Variants in KDM4C observed in about 807,000 individuals in gnomAD.
KDM4C encodes lysine demethylase 4C, also known as lysine-specific demethylase 4C.
In KDM4C, 81 loss-of-function variants were observed where a neutral mutation model predicts 129.3. The ratio of observed to expected loss-of-function variants is 0.63; its 90% CI spans 0.52 to 0.75. KDM4C has a LOEUF of 0.75. KDM4C is among the 30% of genes least tolerant of loss of function. The probability of loss-of-function intolerance (pLI) is 0.00; values close to 1 mark genes in which losing one functional copy is unlikely to be tolerated. For synonymous variants in KDM4C, 573 were observed against 456.1 expected, an observed-to-expected ratio of 1.26 and a Z score of -3.26; for missense variants, 1,457 against 1,304.0, an observed-to-expected ratio of 1.12 and a Z score of -1.81.
intron 19 of KDM4C, among the ~76,000 whole-genome samples, chr9:7,137,334 T>C (rs1390790712): frequency 6.6e-6 from 1 of 152,232 alleles, no homozygotes; most frequent in Non-Finnish European, 1.5e-5. Flanking sequence ...TCAACTTCCA[T>C]TTAATACAAA....
chr9:6,819,893 G>T (rs937905640), intron 4 of KDM4C, among the ~76,000 whole-genome samples: 6 of 151,986 alleles, frequency 3.9e-5, no homozygotes, highest in African/African-American at 1.5e-4. Context: ...CTGGTTTCTC[G>T]TGGTTCATGG....
chr9:6,842,814 A>G (rs1379813081), intron 4 of KDM4C, among the ~76,000 whole-genome samples: 1 of 152,086 alleles, frequency 6.6e-6, no homozygotes, highest in East Asian at 1.9e-4. Context: ...TTTGACATAT[A>G]CCTGGCTGCC....
chr9:6,976,298 C>T (rs1832898357), intron 8 of KDM4C, among the ~76,000 whole-genome samples: 1 of 151,978 alleles, frequency 6.6e-6, no homozygotes, highest in Admixed American at 6.6e-5. Flanking sequence ...AAATAATGAG[C>T]AATTATGAAT....
intron 8 of KDM4C, among the ~76,000 whole-genome samples, chr9:6,966,631 C>T (rs187358532): frequency 6.6e-6 from 1 of 152,058 alleles, no homozygotes; most frequent in East Asian, 1.9e-4. Context: ...TGGTTTACGT[C>T]TAGATCTTCC....
rs879706330 is a variant in KDM4C at position 6,788,189 on chromosome 9, C to T, written c.-17-4783C>T. 6.6e-5 allele frequency among the ~76,000 whole-genome samples: 10 copies of T among 152,306 alleles called. No homozygotes were observed. The East Asian group carries it at 1.7e-3, about 26-fold the overall frequency. ...CCCCTTTGCAGTCTATCCCCTTACC[C>T]TTGGTTCTTCTTCATAGCATGTACT... On this transcript the variant is annotated intron_variant, in intron 1 of 21. Transcript: ENST00000381309.
At chr9:6,995,938 G>C (rs997671028) in intron 12 of KDM4C, among the ~76,000 whole-genome samples, 50 of 152,326 alleles carry the variant, frequency 3.3e-4, no homozygotes, top group African/African-American at 1.2e-3. Flanking sequence ...AAAGTGCTGG[G>C]ATTACAGGCG....
At chr9:6,807,512 T>G (rs1371563533) in intron 3 of KDM4C, among the ~76,000 whole-genome samples, 2 of 140,106 alleles carry the variant, frequency 1.4e-5, no homozygotes, top group Non-Finnish European at 3.1e-5. Context: ...GTCTGAGATG[T>G]GGGGAGCGCC....
intron 18 of KDM4C, chr9:7,105,546 G>C (rs1587668207): frequency 2.2e-6 from 1 of 461,620 alleles, no homozygotes; most frequent in Non-Finnish European, 4.5e-6. Flanking sequence ...CCTAAGTTCA[G>C]AGAGGTTTAA....
intron 5 of KDM4C, among the ~76,000 whole-genome samples, chr9:6,866,510 C>T (rs1380660910): frequency 6.6e-6 from 1 of 152,142 alleles, no homozygotes; most frequent in Non-Finnish European, 1.5e-5. Flanking sequence ...TTTGGCATCT[C>T]CGTTGGCTGA....
intron 5 of KDM4C, among the ~76,000 whole-genome samples, chr9:6,872,855 G>T (rs1842978357): frequency 6.6e-6 from 1 of 152,124 alleles, no homozygotes; most frequent in African/African-American, 2.4e-5. Context: ...AATGGTAAAT[G>T]AACATTGGAT....
chr9:6,789,074 C>A (rs1170783592), intron 1 of KDM4C, among the ~76,000 whole-genome samples: 1 of 151,162 alleles, frequency 6.6e-6, no homozygotes, highest in Non-Finnish European at 1.5e-5. Context: ...AACAGGGTCC[C>A]ACTCTTTCAC....
At chr9:7,162,184 A>G (rs1843872340) in intron 19 of KDM4C, among the ~76,000 whole-genome samples, 1 of 152,208 alleles carries the variant, frequency 6.6e-6, no homozygotes, top group African/African-American at 2.4e-5. Context: ...AGAATAACTT[A>G]TCTTGTTACA....
At position 7,011,704 on chromosome 9, in the gene KDM4C, C is replaced by G. The variant is rs1325481748; in HGVS notation, c.1793C>G (p.Pro598Arg). 1 of 1,614,054 alleles carries G rather than the reference C, an allele frequency of 6.2e-7. No homozygotes were observed. The highest frequency in any genetic ancestry group is 8.5e-7 in the Non-Finnish European group (1 of 1,179,954). ...KQQAPSDEEL[P>R]EVLSIEEEVE... Reference sequence around the variant, plus strand: ...TCCTGCCTTCTCCCTTAAGAATTGCCTGAGGTTCTGTCCATTGAGGAGGAA... The same window carrying G: ...TCCTGCCTTCTCCCTTAAGAATTGCGTGAGGTTCTGTCCATTGAGGAGGAA... The change falls in exon 13 of 22, where the codon CCT becomes CGT. Residue 598 changes from proline to arginine, a missense_variant. Physicochemically the swap from Pro to Arg is moderately radical, Grantham distance 103 (BLOSUM62 -2). Transcript: ENST00000381309.
rs55668870 is a variant in KDM4C, at chr9:6,935,632, A to G, written c.921+42400A>G. Among the ~76,000 whole-genome samples the G allele has an allele frequency of 9.4e-3, 1,406 of 149,532 alleles. 10 individuals are homozygous for G. Among genetic ancestry groups the G allele is most frequent in the Non-Finnish European group, 0.015 (1,028 of 67,276 alleles). On this transcript the variant is annotated intron_variant, in intron 8 of 21. Coordinates refer to ENST00000381309, the MANE Select transcript of KDM4C (RefSeq NM_015061.6). Reference sequence around the variant, plus strand: ...TATTGTGCCTATATTTCTCCTTTCTAATTTCTCATTGTAATATTTCATAAC... The same window carrying G: ...TATTGTGCCTATATTTCTCCTTTCTGATTTCTCATTGTAATATTTCATAAC...
At chr9:7,171,277 G>T (rs1008269858) in intron 21 of KDM4C, among the ~76,000 whole-genome samples, 16 of 152,104 alleles carry the variant, frequency 1.1e-4, no homozygotes, top group African/African-American at 3.4e-4. Flanking sequence ...GATAATGACA[G>T]CAAGCAAAGA....
chr9:6,970,155 A>C (rs1295015717), intron 8 of KDM4C, among the ~76,000 whole-genome samples: 1 of 152,242 alleles, frequency 6.6e-6, no homozygotes, highest in Non-Finnish European at 1.5e-5. Context: ...TCTTAGGAAC[A>C]AATCATGCGG....
At chr9:7,014,264 G>C (rs1407857) in intron 14 of KDM4C, 245,809 of 356,568 alleles carry the variant, frequency 0.69, 85,209 homozygotes, top group South Asian at 0.75. Flanking sequence ...GAGGAGTCAT[G>C]ATGGGGTTCC....
chr9:7,031,248 T>TA (rs1157984868), intron 15 of KDM4C, among the ~76,000 whole-genome samples: 1 of 151,944 alleles, frequency 6.6e-6, no homozygotes, highest in East Asian at 1.9e-4. Flanking sequence ...CTGCAACCTC[T>TA]GCCTCCTGGG....
chr9:6,903,826 G>C (rs2131002402), intron 8 of KDM4C, among the ~76,000 whole-genome samples: 1 of 152,254 alleles, frequency 6.6e-6, no homozygotes, highest in East Asian at 1.9e-4. Flanking sequence ...ACTGTTAACA[G>C]TTCATTGTAT....
Sources: allele counts gnomAD v4.1 joint callset (sites outside exome capture counted in the v4.1 genomes callset), GRCh38; gene constraint gnomAD v4.1.1; transcripts MANE v1.5; gene names NCBI Gene and HGNC (gene_info 2026-07-23, HGNC 2026-07-21).